The following IQCH variants were observed in gnomAD, a reference collection of about 807,000 sequenced individuals.
IQCH encodes IQ domain-containing protein H.
A neutral mutation model predicts 117.0 loss-of-function variants in IQCH; 98 were observed. The ratio of observed to expected loss-of-function variants is 0.84; its 90% CI spans 0.71 to 0.99. The LOEUF (loss-of-function observed/expected upper bound fraction) is 0.99, where lower values mean the gene tolerates loss of function less well. Among genes scored for constraint, IQCH ranks in the 50% least tolerant of loss-of-function variants. The probability of loss-of-function intolerance (pLI) is 0.00; values close to 1 mark genes in which losing one functional copy is unlikely to be tolerated. For missense variants in IQCH, 1,102 were observed against 1,243.8 expected (o/e 0.89, Z 1.72); for synonymous variants, 412 against 448.2 (o/e 0.92, Z 1.02).
At chr15:67,307,040 G>C (rs1967332799) in intron 4 of IQCH, 3 of 1,307,130 alleles carry the variant, frequency 2.3e-6, no homozygotes, top group Non-Finnish European at 2.9e-6. Context: ...AATTATGAAT[G>C]CATAACAAAA....
chr15:67,355,041 G>A (rs1969830625), intron 6 of IQCH, among the ~76,000 whole-genome samples: 1 of 152,166 alleles, frequency 6.6e-6, no homozygotes, highest in Non-Finnish European at 1.5e-5. Flanking sequence ...GATAGGGTTA[G>A]AGCTAACATT....
rs577514744 is a variant in IQCH at position 67,324,324 on chromosome 15, T to C, written c.388-12651T>C. On this transcript the variant is annotated intron_variant, in intron 4 of 20. Transcript: ENST00000335894. ...TGTCCAAAAAAAAAAAAAAAGTCTTTAGATTGGCCAAGCACAGTGGCTCAC... is the reference window on the plus strand; with the variant it reads ...TGTCCAAAAAAAAAAAAAAAGTCTTCAGATTGGCCAAGCACAGTGGCTCAC... Among the ~76,000 whole-genome samples, 18 of 151,442 alleles carry C rather than the reference T, an allele frequency of 1.2e-4. No individual in the cohort carries two copies. In the East Asian group the frequency reaches 2.1e-3, roughly 18 times the overall value.
rs1469908718 is a variant in IQCH, at chr15:67,381,194, G to T, written c.1373-3742G>T. On this transcript the variant is annotated intron_variant, in intron 10 of 20. Transcript: ENST00000335894. This position sits in a 1 kb window ranked among gnomAD's most constrained non-coding sequence, Gnocchi z 5.1. ...AGAGCTAGTTTGCTGGATGCAAAGA[G>T]GCAATTAGTGTCATCTGATAGATGT... Among the ~76,000 whole-genome samples, 2 of 152,198 alleles carry T rather than the reference G, an allele frequency of 1.3e-5. No individual in the cohort carries two copies. The highest frequency in any genetic ancestry group is 4.8e-5 in the African/African-American group (2 of 41,448).
chr15:67,288,292 C>T (rs1280297968), intron 4 of IQCH, among the ~76,000 whole-genome samples: 2 of 151,488 alleles, frequency 1.3e-5, no homozygotes, highest in Non-Finnish European at 2.9e-5. Flanking sequence ...GTCTGATGTT[C>T]CTTTGCTGAT....
rs1259725997 is a variant in IQCH at position 67,344,051 on chromosome 15, G to A, written c.509-12G>A. 1 of 1,608,760 alleles carries A rather than the reference G, an allele frequency of 6.2e-7. No homozygotes were observed. Among genetic ancestry groups the A allele is most frequent in the East Asian group, 2.2e-5 (1 of 44,764 alleles). Reference sequence around the variant, plus strand: ...GGAATTAAACTCACATTTTATTAATGTTTCTTTTTAGGGATTTTAAGTATG... The same window carrying A: ...GGAATTAAACTCACATTTTATTAATATTTCTTTTTAGGGATTTTAAGTATG... On this transcript the variant is annotated splice_polypyrimidine_tract_variant and intron_variant, in intron 5 of 20. Coordinates refer to ENST00000335894, the MANE Select transcript of IQCH (RefSeq NM_001031715.3).
intron 15 of IQCH, among the ~76,000 whole-genome samples, chr15:67,419,960 A>G (rs958713810): frequency 9.2e-5 from 14 of 152,256 alleles, no homozygotes; most frequent in African/African-American, 3.1e-4. Context: ...AACATAGGTG[A>G]CGGCTAAAGG....
rs903400353 is a variant in IQCH at position 67,443,793 on chromosome 15, G to A, written c.2506-21334G>A. Among the ~76,000 whole-genome samples the A allele has an allele frequency of 4.6e-5, 7 of 152,112 alleles. No homozygotes were observed. Among genetic ancestry groups the A allele is most frequent in the Admixed American group, 6.5e-5 (1 of 15,276 alleles). On this transcript the variant is annotated intron_variant, in intron 16 of 20. Transcript: ENST00000335894. This position sits in a 1 kb window ranked among gnomAD's most constrained non-coding sequence, Gnocchi z 5.0. ...TAGCACTGATGGCCAGAGTAATTAC[G>A]AATGATAATATTAACTACTTACTGT...
intron 5 of IQCH, among the ~76,000 whole-genome samples, chr15:67,338,180 A>G (rs1968977193): frequency 6.8e-6 from 1 of 147,474 alleles, no homozygotes; most frequent in South Asian, 2.1e-4. Flanking sequence ...ATAGTGAATG[A>G]ATGAATGAAT....
In IQCH at chr15:67,381,732, G is replaced by T. The variant is rs2140819782; in HGVS notation, c.1373-3204G>T. 6.6e-6 allele frequency among the ~76,000 whole-genome samples: 1 copy of T among 152,278 alleles called. No homozygotes were observed. The highest frequency in any genetic ancestry group is 1.5e-5 in the Non-Finnish European group (1 of 68,022). ...ATGGTGGCTCATGCCTATAATACCAGCACTTTGGGAGGCTGAGGTGGGTGG... is the reference window on the plus strand; with the variant it reads ...ATGGTGGCTCATGCCTATAATACCATCACTTTGGGAGGCTGAGGTGGGTGG... On this transcript the variant is annotated intron_variant, in intron 10 of 20. Transcript: ENST00000335894. The surrounding 1 kb of genome is among the most constrained non-coding windows in gnomAD (Gnocchi z 5.1).
rs1324467548 is a variant in IQCH, at chr15:67,465,863, A to G, written c.2676+566A>G. Among the ~76,000 whole-genome samples the G allele has an allele frequency of 1.3e-5, 2 of 152,140 alleles. No homozygotes were observed. The highest frequency in any genetic ancestry group is 2.9e-5 in the Non-Finnish European group (2 of 68,006). On this transcript the variant is annotated intron_variant, in intron 17 of 20. Transcript: ENST00000335894. The surrounding 1 kb of genome is among the most constrained non-coding windows in gnomAD (Gnocchi z 5.9). ...CCTGACCCCTCCTCTCTCTCCACAA[A>G]GATAGTGTCTTAGTGTCGGCTTCCA... is the stretch of plus-strand genomic sequence containing the variant.
rs1056805317 is a variant in IQCH at position 67,463,597 on chromosome 15, G to A, written c.2506-1530G>A. ...ATTTTTTAGGCTACCACAGAGATCT[G>A]AGATATTTATGATTCACCCAGCTTC... On this transcript the variant is annotated intron_variant, in intron 16 of 20. Transcript: ENST00000335894. The surrounding 1 kb of genome is among the most constrained non-coding windows in gnomAD (Gnocchi z 4.0). Among the ~76,000 whole-genome samples, 1 of 152,144 alleles carries A rather than the reference G, an allele frequency of 6.6e-6. No homozygotes were observed. Among genetic ancestry groups the A allele is most frequent in the South Asian group, 2.1e-4 (1 of 4,826 alleles).
rs957979630 is a variant in IQCH, at chr15:67,369,094, T to G, written c.754-3017T>G. On this transcript the variant is annotated intron_variant, in intron 8 of 20. Transcript: ENST00000335894. This position sits in a 1 kb window ranked among gnomAD's most constrained non-coding sequence, Gnocchi z 5.2. ...AATGCAACACTGGGTCTATCTTTTT[T>G]GCTTAACATCTGTGACTTACTAACA... Among the ~76,000 whole-genome samples the G allele has an allele frequency of 6.6e-6, 1 of 152,204 alleles. No homozygotes were observed. The highest frequency in any genetic ancestry group is 1.5e-5 in the Non-Finnish European group (1 of 68,034).
At chr15:67,354,960 G>T (rs2140727963) in intron 6 of IQCH, among the ~76,000 whole-genome samples, 1 of 152,248 alleles carries the variant, frequency 6.6e-6, no homozygotes, top group Middle Eastern at 3.4e-3. Flanking sequence ...AGAAGCCTTG[G>T]GGTGGACTTT....
At chr15:67,470,568 A>T (rs1782891480) in intron 17 of IQCH, among the ~76,000 whole-genome samples, 1 of 152,220 alleles carries the variant, frequency 6.6e-6, no homozygotes, top group Admixed American at 6.5e-5. Context: ...CATGGAAAAG[A>T]GCATGTCACT....
At position 67,475,830 on chromosome 15, in the gene IQCH, T is replaced by C. The variant is rs2141047703; in HGVS notation, c.2799+12T>C. The C allele has an allele frequency of 6.2e-7, 1 of 1,613,254 alleles. No individual in the cohort carries two copies. Among genetic ancestry groups the C allele is most frequent in the East Asian group, 2.2e-5 (1 of 44,886 alleles). Reference sequence around the variant, plus strand: ...GCTATGATGTTGAGGTATGAAGGGTTACAGTTGGCCAGGGGCGGCCAAAGA... The same window carrying C: ...GCTATGATGTTGAGGTATGAAGGGTCACAGTTGGCCAGGGGCGGCCAAAGA... On this transcript the variant is annotated intron_variant, in intron 18 of 20. Coordinates refer to ENST00000335894, the MANE Select transcript of IQCH (RefSeq NM_001031715.3). This position sits in a 1 kb window ranked among gnomAD's most constrained non-coding sequence, Gnocchi z 5.7.
Position 67,417,161 on chromosome 15 carries a change from A to G in IQCH, c.2218+110A>G. On this transcript the variant is annotated intron_variant, in intron 15 of 20. Transcript: ENST00000335894. The surrounding 1 kb of genome is among the most constrained non-coding windows in gnomAD (Gnocchi z 4.3). ...TACTTTGCATCTCCTGTGTTGGTTT[A>G]GAAAAGTGCTCCTACGGTTTTCTTT... 4.6e-6 allele frequency: 4 copies of G among 878,578 alleles called. No homozygotes were observed. Among genetic ancestry groups the G allele is most frequent in the Non-Finnish European group, 6.5e-6 (4 of 611,904 alleles). The allele number at this position is 878,578 out of a possible 1,614,324, so 54.4% of individuals were successfully genotyped here. A position where few individuals can be genotyped will look rare whatever the true frequency, so the allele number is the denominator to read the frequency against.
Position 67,433,342 on chromosome 15 carries a change from T to G in IQCH, c.2505+11765T>G, listed in dbSNP as rs2140946298. ...TTACAATTCTGTTTCTTAACACTGATAGTGCAGGTAAACTAGTGGCCAACT... is the reference window on the plus strand; with the variant it reads ...TTACAATTCTGTTTCTTAACACTGAGAGTGCAGGTAAACTAGTGGCCAACT... On this transcript the variant is annotated intron_variant, in intron 16 of 20. Coordinates refer to ENST00000335894, the MANE Select transcript of IQCH (RefSeq NM_001031715.3). This position sits in a 1 kb window ranked among gnomAD's most constrained non-coding sequence, Gnocchi z 5.4. Among the ~76,000 whole-genome samples the G allele has an allele frequency of 6.6e-6, 1 of 152,340 alleles. No homozygotes were observed. The highest frequency in any genetic ancestry group is 1.9e-4 in the East Asian group (1 of 5,194).
intron 17 of IQCH, among the ~76,000 whole-genome samples, chr15:67,469,710 T>C (rs2083021997): frequency 6.6e-6 from 1 of 152,228 alleles, no homozygotes; most frequent in African/African-American, 2.4e-5. Context: ...GAGCCTTTAC[T>C]CCACCCCGAG....
chr15:67,415,162 C>T (rs2081546294), intron 14 of IQCH, among the ~76,000 whole-genome samples: 1 of 152,110 alleles, frequency 6.6e-6, no homozygotes, highest in South Asian at 2.1e-4. Flanking sequence ...ATTTCACATG[C>T]TTGTTTATAA....
Sources: gnomAD v4.1 joint callset for allele counts (sites outside exome capture counted in the v4.1 genomes callset) on GRCh38, gnomAD v4.1.1 for gene constraint, Gnocchi (gnomAD v3.1) non-coding constraint, MANE v1.5 for transcripts, NCBI Gene and HGNC (gene_info 2026-07-23, HGNC 2026-07-21) for gene names.